The following EXT1 variants were observed in gnomAD, a reference collection of about 807,000 sequenced individuals.
EXT1 encodes the protein exostosin-1.
Under a neutral mutation model 82.5 loss-of-function variants are expected in EXT1, and 20 were observed. That is an observed-to-expected ratio of 0.24 (90% CI 0.17 to 0.35). EXT1 has a LOEUF of 0.35. Ranked by LOEUF, EXT1 falls within the 10% of genes least tolerant of loss-of-function variation. The pLI is 1.00. For missense variants in EXT1, 757 were observed against 936.5 expected (o/e 0.81, Z 2.50); for synonymous variants, 348 against 350.8 (o/e 0.99, Z 0.09).
chr8:118,006,710 T>A (rs1346369926), intron 1 of EXT1, among the ~76,000 whole-genome samples: 1 of 152,194 alleles, frequency 6.6e-6, no homozygotes, highest in Non-Finnish European at 1.5e-5. Context: ...TGAAAAAATA[T>A]TCACATTTTT....
Position 117,812,983 on chromosome 8 carries a change from C to G in EXT1, c.1633-22G>C, listed in dbSNP as rs1554657952. 3 of 1,600,856 alleles carry G rather than the reference C, an allele frequency of 1.9e-6. No individual in the cohort carries two copies. The South Asian group carries it at 3.3e-5, about 18-fold the overall frequency. On this transcript the variant is annotated intron_variant, in intron 7 of 10. Transcript: ENST00000378204. Reference sequence around the variant, plus strand: ...TAACCTGGGAGGAAGTAGAAGTAGGCAGTGGGGAGGGAATGAGGGAAAGAG... The same window carrying G: ...TAACCTGGGAGGAAGTAGAAGTAGGGAGTGGGGAGGGAATGAGGGAAAGAG...
intron 1 of EXT1, among the ~76,000 whole-genome samples, chr8:117,907,276 A>G (rs1813561038): frequency 6.6e-6 from 1 of 152,238 alleles, no homozygotes; most frequent in South Asian, 2.1e-4. Flanking sequence ...AATTTTCCCT[A>G]ACAACATACT....
At chr8:117,903,077 G>A (rs943687008) in intron 1 of EXT1, among the ~76,000 whole-genome samples, 6 of 152,200 alleles carry the variant, frequency 3.9e-5, no homozygotes, top group Non-Finnish European at 5.9e-5. Context: ...TATTTATGAA[G>A]CTCTTAATAT....
rs576661814 is a variant in EXT1, at chr8:117,905,767, G to A, written c.963-68566C>T. On this transcript the variant is annotated intron_variant, in intron 1 of 10. Transcript: ENST00000378204. Reference sequence around the variant, plus strand: ...GCGGAGCTTGCAGTGAGCCGAGATCGCGCCACTGCAGTCCAACCTGGGAGA... The same window carrying A: ...GCGGAGCTTGCAGTGAGCCGAGATCACGCCACTGCAGTCCAACCTGGGAGA... Among the ~76,000 whole-genome samples the A allele has an allele frequency of 7.9e-5, 12 of 152,332 alleles. No individual in the cohort carries two copies. In the South Asian group the frequency reaches 1.9e-3, roughly 24 times the overall value.
chr8:117,961,561 T>C (rs936814806), intron 1 of EXT1, among the ~76,000 whole-genome samples: 1 of 152,246 alleles, frequency 6.6e-6, no homozygotes, highest in Admixed American at 6.5e-5. Flanking sequence ...CTGAATTCTC[T>C]AAAACAGCTT....
Position 117,876,049 on chromosome 8 carries a change from A to G in EXT1, c.963-38848T>C, listed in dbSNP as rs116742528. 9.1e-3 allele frequency among the ~76,000 whole-genome samples: 1,381 copies of G among 152,358 alleles called. 17 individuals are homozygous for G. The highest frequency in any genetic ancestry group is 0.03 in the African/African-American group (1,255 of 41,586). On this transcript the variant is annotated intron_variant, in intron 1 of 10. Coordinates refer to ENST00000378204, the MANE Select transcript of EXT1 (RefSeq NM_000127.3). ...TGAGCACCTATCCATGCCAGAAACTATAAGAGATGCCCAATATGTAGAGAT... is the reference window on the plus strand; with the variant it reads ...TGAGCACCTATCCATGCCAGAAACTGTAAGAGATGCCCAATATGTAGAGAT...
chr8:118,020,390 A>G (rs1656683391), intron 1 of EXT1, among the ~76,000 whole-genome samples: 1 of 152,238 alleles, frequency 6.6e-6, no homozygotes, highest in Non-Finnish European at 1.5e-5. Flanking sequence ...TGGTTGCACT[A>G]CATTACGATC....
At chr8:117,814,463 T>A (rs556020009) in intron 7 of EXT1, among the ~76,000 whole-genome samples, 177 of 152,238 alleles carry the variant, frequency 1.2e-3, no homozygotes, top group African/African-American at 4.2e-3. Flanking sequence ...TATATCATCG[T>A]GTTTCATCTT....
intron 1 of EXT1, among the ~76,000 whole-genome samples, chr8:118,027,799 C>G (rs1240375493): frequency 6.6e-6 from 1 of 152,218 alleles, no homozygotes; most frequent in Non-Finnish European, 1.5e-5. Flanking sequence ...CGCTAAACAA[C>G]TGGCAAAATG....
At chr8:117,902,935 T>C (rs777586191) in intron 1 of EXT1, among the ~76,000 whole-genome samples, 1 of 152,224 alleles carries the variant, frequency 6.6e-6, no homozygotes, top group Non-Finnish European at 1.5e-5. Context: ...GATTTTCCCA[T>C]CAAATCTCTA....
intron 1 of EXT1, among the ~76,000 whole-genome samples, chr8:117,980,266 C>T (rs71530892): frequency 2.0e-5 from 3 of 152,092 alleles, no homozygotes; most frequent in African/African-American, 7.2e-5. Flanking sequence ...GAGTCATCCT[C>T]GTCCTTCCCC....
intron 1 of EXT1, among the ~76,000 whole-genome samples, chr8:118,103,877 C>A (rs2130028367): frequency 6.6e-6 from 1 of 152,304 alleles, no homozygotes; most frequent in East Asian, 1.9e-4. Context: ...CATCTCTGAG[C>A]CAAACTTTTT....
At chr8:117,867,076 T>C (rs1453527231) in intron 1 of EXT1, among the ~76,000 whole-genome samples, 1 of 151,946 alleles carries the variant, frequency 6.6e-6, no homozygotes, top group Non-Finnish European at 1.5e-5. Context: ...CTGGCCAAAG[T>C]AGTGAAACCT....
At chr8:117,907,478 G>A (rs1274719699) in intron 1 of EXT1, among the ~76,000 whole-genome samples, 2 of 152,324 alleles carry the variant, frequency 1.3e-5, no homozygotes, top group East Asian at 3.9e-4. Flanking sequence ...TTTGCTGTCA[G>A]TGGGAACCCT....
At chr8:117,938,778 AATAAG>A (rs1814217254) in intron 1 of EXT1, among the ~76,000 whole-genome samples, 1 of 152,268 alleles carries the variant, frequency 6.6e-6, no homozygotes, top group Non-Finnish European at 1.5e-5. Flanking sequence ...TTTATTTTTC[AATAAG>A]ATAAATTTGG....
At chr8:118,092,123 A>G (rs1001710342) in intron 1 of EXT1, among the ~76,000 whole-genome samples, 1 of 152,250 alleles carries the variant, frequency 6.6e-6, no homozygotes, top group Non-Finnish European at 1.5e-5. Flanking sequence ...TCATTAAAAT[A>G]TATTTGGAGG....
At chr8:118,074,778 T>G (rs898947525) in intron 1 of EXT1, among the ~76,000 whole-genome samples, 5 of 152,200 alleles carry the variant, frequency 3.3e-5, no homozygotes, top group Non-Finnish European at 4.4e-5. Flanking sequence ...GACAGCAGCT[T>G]TGCTAAGGCT....
rs551610209 is a variant in EXT1, at chr8:117,850,197, T to G, written c.963-12996A>C. On this transcript the variant is annotated intron_variant, in intron 1 of 10. Transcript: ENST00000378204. ...GGTTTCCATTAAGGTATCTTGGCTT[T>G]TAAATAAACTGTCAAGTAAAACTTG... 2.0e-4 allele frequency among the ~76,000 whole-genome samples: 30 copies of G among 152,344 alleles called. No homozygotes were observed. The South Asian group carries it at 6.0e-3, about 30-fold the overall frequency.
chr8:117,983,124 C>T (rs1228354226), intron 1 of EXT1, among the ~76,000 whole-genome samples: 2 of 152,146 alleles, frequency 1.3e-5, no homozygotes, highest in Non-Finnish European at 2.9e-5. Context: ...TCCTTTTCTA[C>T]ATAAGTAACA....
Sources: allele counts gnomAD v4.1 joint callset (sites outside exome capture counted in the v4.1 genomes callset), GRCh38; gene constraint gnomAD v4.1.1; transcripts MANE v1.5; gene names NCBI Gene and HGNC (gene_info 2026-07-23, HGNC 2026-07-21).